Variants in CLIP2 observed in about 807,000 individuals in gnomAD.
The protein encoded by CLIP2 is CAP-Gly domain-containing linker protein 2.
CLIP2 carries 41 observed loss-of-function variants against 111.7 expected under a neutral mutation model. That is an observed-to-expected ratio of 0.37 (90% confidence interval 0.29 to 0.48). The LOEUF (loss-of-function observed/expected upper bound fraction) is 0.48. Ranked by LOEUF, CLIP2 falls within the 20% of genes least tolerant of loss-of-function variation. The pLI is 0.99. For synonymous variants in CLIP2, 660 were observed against 644.2 expected (o/e 1.02, Z -0.37); for missense variants, 1,160 against 1,422.1 (o/e 0.82, Z 2.96).
chr7:74,329,925 G>T (rs1019336029), intron 2 of CLIP2, among the ~76,000 whole-genome samples: 4 of 148,640 alleles, frequency 2.7e-5, no homozygotes, highest in African/African-American at 7.4e-5. Context: ...GATTACAAGC[G>T]CGCGCCACCA....
At chr7:74,294,301 A>G (rs535689906) in intron 1 of CLIP2, among the ~76,000 whole-genome samples, 13 of 152,232 alleles carry the variant, frequency 8.5e-5, no homozygotes, top group Non-Finnish European at 1.9e-4. Context: ...CCAGTAATAC[A>G]AAACTCATGT....
rs1393174206 is a variant in CLIP2 at position 74,356,449 on chromosome 7, C to G, written c.843C>G (p.Pro281=). Residue 281 remains proline, a synonymous_variant, in exon 5 of 17, where the codon CCC becomes CCG. Transcript: ENST00000223398. ...QCPPKFGLFA[P]IHKVIRIGFP... ...CACCCAAGTTTGGTCTCTTCGCGCC[C>G]ATCCACAAAGTGATCCGTATCGGCT... is the stretch of plus-strand genomic sequence containing the variant. 5 of 1,614,112 alleles carry G rather than the reference C, an allele frequency of 3.1e-6. No individual in the cohort carries two copies. The African/African-American group carries it at 6.7e-5, about 22-fold the overall frequency.
intron 14 of CLIP2, among the ~76,000 whole-genome samples, chr7:74,397,901 T>C (rs1554316966): frequency 6.6e-6 from 1 of 151,574 alleles, no homozygotes; most frequent in African/African-American, 2.4e-5. Context: ...ACTCCTGACC[T>C]TGTGATCCTC....
At chr7:74,329,316 A>G (rs1261731796) in intron 2 of CLIP2, among the ~76,000 whole-genome samples, 8 of 151,938 alleles carry the variant, frequency 5.3e-5, no homozygotes, top group Admixed American at 3.9e-4. Flanking sequence ...GAGTGCTGGG[A>G]TAACAGACAT....
intron 8 of CLIP2, among the ~76,000 whole-genome samples, chr7:74,371,789 C>A (rs906249357): frequency 6.6e-6 from 1 of 151,682 alleles, no homozygotes; most frequent in Non-Finnish European, 1.5e-5. Context: ...AGAGAGAGAA[C>A]TTTTTTTGTT....
chr7:74,349,155 G>A (rs941045829), intron 3 of CLIP2, among the ~76,000 whole-genome samples: 2 of 146,202 alleles, frequency 1.4e-5, no homozygotes, highest in African/African-American at 2.5e-5. Context: ...AGTACTGGTC[G>A]GGCATGGTAG....
intron 13 of CLIP2, among the ~76,000 whole-genome samples, chr7:74,393,194 C>T (rs1260672311): frequency 1.3e-5 from 2 of 151,834 alleles, no homozygotes; most frequent in Admixed American, 6.6e-5. Context: ...CATCACCATG[C>T]CCAGCTAATT....
chr7:74,369,008 A>G (rs1299743696), intron 8 of CLIP2, among the ~76,000 whole-genome samples: 14 of 152,222 alleles, frequency 9.2e-5, no homozygotes, highest in African/African-American at 3.1e-4. Flanking sequence ...TGAGGCCAGG[A>G]GTTAGAGACC....
intron 7 of CLIP2, 67 bp from the exon 8 acceptor site, chr7:74,364,188 T>G: frequency 7.0e-7 from 1 of 1,434,238 alleles, no homozygotes; most frequent in Non-Finnish European, 9.7e-7. Flanking sequence ...TCTCTGCTGT[T>G]GCTCATTCGG....
intron 7 of CLIP2, among the ~76,000 whole-genome samples, chr7:74,363,975 TC>T (rs1338580100): frequency 6.6e-6 from 1 of 151,290 alleles, no homozygotes; most frequent in Admixed American, 6.6e-5. Context: ...GTCACTCACA[TC>T]CCCGGGCCAC....
Position 74,382,986 on chromosome 7 carries a change from G to C in CLIP2, c.2479+2123G>C, listed in dbSNP as rs202130278. Among the ~76,000 whole-genome samples the C allele has an allele frequency of 5.9e-5, 9 of 151,268 alleles. No individual in the cohort carries two copies. In the East Asian group the frequency reaches 1.6e-3, roughly 26 times the overall value. On this transcript the variant is annotated intron_variant, in intron 11 of 16. Coordinates refer to ENST00000223398, the MANE Select transcript of CLIP2 (RefSeq NM_003388.5). ...TCCCAGATACTTGGGAAGGTGAGGC[G>C]GGAGGATCTCTTGAGCCCAGGAAGT...
chr7:74,369,568 A>T (rs1466608673), intron 8 of CLIP2, among the ~76,000 whole-genome samples: 3 of 151,094 alleles, frequency 2.0e-5, no homozygotes, highest in African/African-American at 7.3e-5. Context: ...AAAAATTTTT[A>T]AAATATGGCT....
chr7:74,359,569 A>C (rs543516781), intron 6 of CLIP2, among the ~76,000 whole-genome samples: 14 of 151,514 alleles, frequency 9.2e-5, no homozygotes, highest in Non-Finnish European at 1.2e-4. Flanking sequence ...GTTAGCCAGG[A>C]TGGTCTCAAT....
chr7:74,333,070 G>A (rs1316208501), intron 2 of CLIP2, among the ~76,000 whole-genome samples: 4 of 152,196 alleles, frequency 2.6e-5, no homozygotes, highest in South Asian at 2.1e-4. Context: ...ACCCTGCACC[G>A]TGTCCTTAGG....
chr7:74,328,566 G>C (rs1789185192), intron 2 of CLIP2, among the ~76,000 whole-genome samples: 1 of 152,082 alleles, frequency 6.6e-6, no homozygotes, highest in Non-Finnish European at 1.5e-5. Context: ...GCCCCATGGG[G>C]TTGGGAGGGA....
chr7:74,296,270 AG>A (rs1311687438), intron 1 of CLIP2, among the ~76,000 whole-genome samples: 2 of 152,124 alleles, frequency 1.3e-5, no homozygotes, highest in Non-Finnish European at 2.9e-5. Context: ...ACACTTTGGG[AG>A]GCTGAGGCAG....
rs1791483635 is a variant in CLIP2 at position 74,397,288 on chromosome 7, G to A, written c.2880+55G>A. On this transcript the variant is annotated intron_variant, in intron 14 of 16. Coordinates refer to ENST00000223398, the MANE Select transcript of CLIP2 (RefSeq NM_003388.5). ...GGGGCACTAGTCCGGGTGGGGCTGG[G>A]CTAGCCTTGCTGTCAGGCCATGGAG... is the stretch of plus-strand genomic sequence containing the variant. 3 of 1,560,146 alleles carry A rather than the reference G, an allele frequency of 1.9e-6. No homozygotes were observed. The South Asian group carries it at 3.5e-5, about 18-fold the overall frequency.
At chr7:74,324,816 G>C (rs1253761555) in intron 2 of CLIP2, among the ~76,000 whole-genome samples, 1 of 83,950 alleles carries the variant, frequency 1.2e-5, no homozygotes, top group African/African-American at 3.6e-5. Context: ...CCAAGATCTT[G>C]AGAAAAAAAA....
intron 1 of CLIP2, among the ~76,000 whole-genome samples, chr7:74,314,661 C>G (rs1554728896): frequency 6.6e-6 from 1 of 152,220 alleles, no homozygotes; most frequent in Admixed American, 6.5e-5. Flanking sequence ...CTATGGTGCT[C>G]TGAATTTTCT....
Sources: gnomAD v4.1 joint callset for allele counts (sites outside exome capture counted in the v4.1 genomes callset) on GRCh38, gnomAD v4.1.1 for gene constraint, MANE v1.5 for transcripts, NCBI Gene and HGNC (gene_info 2026-07-23, HGNC 2026-07-21) for gene names.